Variants in LCORL observed in about 807,000 individuals in gnomAD.
The protein encoded by LCORL is ligand-dependent nuclear receptor corepressor-like protein.
In LCORL, 41 loss-of-function variants were observed where a neutral mutation model predicts 141.8. The ratio of observed to expected loss-of-function variants is 0.29; its 90% CI spans 0.23 to 0.38. LCORL has a LOEUF of 0.38. Ranked by LOEUF, LCORL falls within the 10% of genes least tolerant of loss-of-function variation. The pLI, the probability that LCORL is intolerant of heterozygous loss-of-function variation, is 1.00. For missense variants in LCORL, 1,759 were observed against 2,035.0 expected (o/e 0.86, Z 2.61); for synonymous variants, 618 against 694.1 (o/e 0.89, Z 1.72).
intron 7 of LCORL, among the ~76,000 whole-genome samples, chr4:17,855,452 C>A (rs1462127392): frequency 6.6e-6 from 1 of 152,186 alleles, no homozygotes; most frequent in Admixed American, 6.5e-5. Flanking sequence ...CTGTTTGCAT[C>A]TATCTGCCTT....
chr4:17,915,114 C>T (rs1011449556), intron 4 of LCORL, among the ~76,000 whole-genome samples: 1 of 151,954 alleles, frequency 6.6e-6, no homozygotes, highest in African/African-American at 2.4e-5. Context: ...TGTTTCCCTC[C>T]TCCTCTATCT....
intron 4 of LCORL, among the ~76,000 whole-genome samples, chr4:17,930,605 T>A (rs1017962994): frequency 6.6e-6 from 1 of 152,216 alleles, no homozygotes; most frequent in Non-Finnish European, 1.5e-5. Flanking sequence ...TATCAAAGGA[T>A]TTCCTAAAAT....
intron 7 of LCORL, among the ~76,000 whole-genome samples, chr4:17,848,712 C>T (rs1267601818): frequency 3.9e-5 from 6 of 152,062 alleles, no homozygotes; most frequent in South Asian, 2.1e-4. Flanking sequence ...GTGTGCGAGC[C>T]GAAGCAGGGC....
chr4:17,847,647 G>C (rs115472503), intron 7 of LCORL, among the ~76,000 whole-genome samples: 2 of 152,116 alleles, frequency 1.3e-5, no homozygotes, highest in Non-Finnish European at 2.9e-5. Context: ...CCAAAGTACA[G>C]TATTTTCATA....
exon 7 of LCORL, chr4:17,877,780 G>A (rs1727074075): frequency 2.4e-6 from 3 of 1,230,490 alleles, no homozygotes; most frequent in Non-Finnish European, 3.0e-6. Flanking sequence ...TGAATGTTTG[G>A]TAACAGTCCA....
chr4:17,890,609 T>C (rs1728934230), intron 5 of LCORL, among the ~76,000 whole-genome samples: 1 of 152,114 alleles, frequency 6.6e-6, no homozygotes, highest in South Asian at 2.1e-4. Flanking sequence ...TTTCATTTAC[T>C]GGTTGGAGAC....
intron 1 of LCORL, among the ~76,000 whole-genome samples, chr4:18,011,758 G>A (rs1723838692): frequency 6.6e-6 from 1 of 152,162 alleles, no homozygotes; most frequent in Admixed American, 6.5e-5. Flanking sequence ...GACTACAACA[G>A]TGGAGGTGAG....
At chr4:17,987,245 T>A (rs1241818187) in intron 1 of LCORL, among the ~76,000 whole-genome samples, 1 of 152,196 alleles carries the variant, frequency 6.6e-6, no homozygotes, top group Non-Finnish European at 1.5e-5. Flanking sequence ...TTTACTACCA[T>A]AAAATTCACT....
At chr4:17,881,491 C>G in intron 6 of LCORL, 1 of 863,162 alleles carries the variant, frequency 1.2e-6, no homozygotes, top group Non-Finnish European at 1.4e-6. Context: ...TTTACTATTT[C>G]TGACCAAAAA....
intron 5 of LCORL, among the ~76,000 whole-genome samples, chr4:17,905,140 C>CT (rs1182879934): frequency 6.6e-5 from 10 of 152,004 alleles, no homozygotes; most frequent in African/African-American, 2.4e-4. Context: ...GATTGGGTGG[C>CT]TGAGTAAGGA....
At chr4:18,002,588 T>C (rs1722151191) in intron 1 of LCORL, among the ~76,000 whole-genome samples, 1 of 152,174 alleles carries the variant, frequency 6.6e-6, no homozygotes, top group Non-Finnish European at 1.5e-5. Context: ...TTTGGGTTTA[T>C]TCAGATGAGA....
rs1320601801 is a variant in LCORL, at chr4:17,912,216, C to T, written c.431-2871G>A. The T allele has an allele frequency of 1.8e-5, 14 of 759,396 alleles. No homozygotes were observed. The East Asian group carries it at 2.8e-4, about 15-fold the overall frequency. 47.0% of individuals were successfully genotyped at this position (759,396 alleles called of 1,614,324 possible). ...GAGTCAAGTATGAGACAAAGCTGGC[C>T]GTGCGCCAGTCTGTGGAGAGCAACA... On this transcript the variant is annotated intron_variant, in intron 4 of 7. Coordinates refer to ENST00000635767, the Ensembl canonical transcript of LCORL.
At chr4:17,946,618 C>T (rs560948130) in intron 4 of LCORL, among the ~76,000 whole-genome samples, 1 of 151,818 alleles carries the variant, frequency 6.6e-6, no homozygotes, top group Non-Finnish European at 1.5e-5. Flanking sequence ...GATCAGTACT[C>T]TTAAGAAGAT....
intron 7 of LCORL, among the ~76,000 whole-genome samples, chr4:17,871,329 G>A (rs1192036149): frequency 6.6e-6 from 1 of 151,762 alleles, no homozygotes; most frequent in Non-Finnish European, 1.5e-5. Flanking sequence ...AATAGTATTA[G>A]TAATTTTAAA....
intron 6 of LCORL, chr4:17,881,331 G>C: frequency 3.1e-6 from 3 of 981,032 alleles, no homozygotes; most frequent in Non-Finnish European, 3.6e-6. Flanking sequence ...TAACATAAAG[G>C]TCATCTTAAT....
intron 4 of LCORL, chr4:17,911,714 GT>G: frequency 2.0e-6 from 1 of 498,070 alleles, no homozygotes; most frequent in Non-Finnish European, 4.0e-6. Context: ...ACCAGCTACT[GT>G]TTCCTGGACT....
At chr4:17,897,221 T>G (rs1395011131) in intron 5 of LCORL, among the ~76,000 whole-genome samples, 4 of 100,170 alleles carry the variant, frequency 4.0e-5, no homozygotes, top group African/African-American at 6.0e-5. Flanking sequence ...TTCTTTTTTT[T>G]TTTTTTTTTT....
intron 4 of LCORL, among the ~76,000 whole-genome samples, chr4:17,916,108 G>A (rs1375636019): frequency 2.0e-5 from 3 of 152,316 alleles, no homozygotes; most frequent in African/African-American, 7.2e-5. Context: ...AAACTCACCA[G>A]ATGATGGCAC....
Position 17,886,165 on chromosome 4 carries a change from T to A in LCORL, c.683-4A>T, listed in dbSNP as rs1030013479. On this transcript the variant is annotated splice_region_variant and splice_polypyrimidine_tract_variant and intron_variant, in intron 5 of 7. Coordinates refer to ENST00000635767, the Ensembl canonical transcript of LCORL. The stretch of plus-strand genomic sequence containing the variant: ...GAGAGATCTAACACTCCATCCCCTA[T>A]AATTTTTGCAAGAGAAAAAACTTTA... 2.6e-6 allele frequency: 4 copies of A among 1,533,340 alleles called. No individual in the cohort carries two copies. The highest frequency in any genetic ancestry group is 1.7e-4 in the Middle Eastern group (1 of 5,812). The allele number at this position is 1,533,340 out of a possible 1,614,324, so 95.0% of individuals were successfully genotyped here.
Sources: gnomAD v4.1 joint callset for allele counts (sites outside exome capture counted in the v4.1 genomes callset) on GRCh38, gnomAD v4.1.1 for gene constraint, MANE v1.5 for transcripts, NCBI Gene and HGNC (gene_info 2026-07-23, HGNC 2026-07-21) for gene names.